Variants in ADARB2 observed in about 807,000 individuals in gnomAD.
ADARB2 encodes adenosine deaminase RNA specific B2 (inactive), also known as inactive double-stranded RNA-specific editase B2.
ADARB2 carries 25 observed loss-of-function variants against 62.2 expected under a neutral mutation model. The ratio of observed to expected loss-of-function variants is 0.40; its 90% CI spans 0.29 to 0.56. The LOEUF (loss-of-function observed/expected upper bound fraction) is 0.56, where lower values mean the gene tolerates loss of function less well. Among genes scored for constraint, ADARB2 ranks in the 20% least tolerant of loss-of-function variants. ADARB2 has a pLI of 0.43. For synonymous variants in ADARB2, 572 were observed against 500.8 expected, an observed-to-expected ratio of 1.14 and a Z score of -1.90; for missense variants, 1,071 against 1,077.4, an observed-to-expected ratio of 0.99 and a Z score of 0.08.
chr10:1,578,501 G>A (rs946565303), intron 1 of ADARB2, among the ~76,000 whole-genome samples: 1 of 152,194 alleles, frequency 6.6e-6, no homozygotes, highest in African/African-American at 2.4e-5. Context: ...GAGCTGTGCT[G>A]GTGCAAAGGC....
chr10:1,273,012 C>T (rs1831277701), intron 3 of ADARB2, among the ~76,000 whole-genome samples: 1 of 152,216 alleles, frequency 6.6e-6, no homozygotes, highest in South Asian at 2.1e-4. Context: ...CCTCTATCCC[C>T]ACGTGGCCTT....
rs1027704698 is a variant in ADARB2 at position 1,426,169 on chromosome 10, C to A, written c.101-47009G>T. Among the ~76,000 whole-genome samples, 2 of 152,046 alleles carry A rather than the reference C, an allele frequency of 1.3e-5. No homozygotes were observed. Among genetic ancestry groups the A allele is most frequent in the Admixed American group, 6.5e-5 (1 of 15,276 alleles). ...ATCAAGATCTGATGTGTAAAAGAGCCTGTGGTTTAAAATATGGAGGTATTT... is the reference window on the plus strand; with the variant it reads ...ATCAAGATCTGATGTGTAAAAGAGCATGTGGTTTAAAATATGGAGGTATTT... On this transcript the variant is annotated intron_variant, in intron 1 of 9. Transcript: ENST00000381312. The surrounding 1 kb of genome is among the most constrained non-coding windows in gnomAD (Gnocchi z 4.1).
chr10:1,501,214 G>A (rs146033874), intron 1 of ADARB2, among the ~76,000 whole-genome samples: 213 of 152,256 alleles, frequency 1.4e-3, no homozygotes, highest in African/African-American at 4.9e-3. Context: ...AGTGTGTTTG[G>A]GCAGCTTAAA....
chr10:1,324,834 T>C (rs1010078980), intron 3 of ADARB2, among the ~76,000 whole-genome samples: 5 of 152,088 alleles, frequency 3.3e-5, no homozygotes, highest in Non-Finnish European at 4.4e-5. Context: ...ACACCTGGGA[T>C]AAAATTACAT....
rs923610456 is a variant in ADARB2, at chr10:1,737,368, G to T, written c.-218C>A. ...ACTGGGCTGGGGGCCTCGGCTGGGC[G>T]CCTGGAGCGAGCTGCTCCCTGGTCA... On this transcript the variant is annotated 5_prime_UTR_variant, in exon 1 of 10. Transcript: ENST00000381312. 1.1e-5 allele frequency: 6 copies of T among 536,896 alleles called. No individual in the cohort carries two copies. Among genetic ancestry groups the T allele is most frequent in the Admixed American group, 6.4e-5 (2 of 31,460 alleles). The allele number at this position is 536,896 out of a possible 1,614,324, so 33.3% of individuals were successfully genotyped here. A position where few individuals can be genotyped will look rare whatever the true frequency, so the allele number is the denominator to read the frequency against.
intron 1 of ADARB2, among the ~76,000 whole-genome samples, chr10:1,569,250 G>A (rs1262759805): frequency 2.0e-5 from 3 of 151,960 alleles, no homozygotes; most frequent in Non-Finnish European, 4.4e-5. Context: ...GGTGGCGGGG[G>A]AGAGACAGAG....
At chr10:1,417,858 G>A (rs1354285085) in intron 1 of ADARB2, among the ~76,000 whole-genome samples, 1 of 152,266 alleles carries the variant, frequency 6.6e-6, no homozygotes, top group Admixed American at 6.5e-5. Flanking sequence ...TTGAGGCCAC[G>A]CGCTGTGGGC....
At chr10:1,598,002 A>G (rs555539332) in intron 1 of ADARB2, among the ~76,000 whole-genome samples, 1 of 152,366 alleles carries the variant, frequency 6.6e-6, no homozygotes, top group South Asian at 2.1e-4. Flanking sequence ...CCATTGTCCT[A>G]AGAAAAATAA....
intron 1 of ADARB2, among the ~76,000 whole-genome samples, chr10:1,487,692 G>T (rs78970994): frequency 0.025 from 3,849 of 152,270 alleles, 177 homozygotes; most frequent in African/African-American, 0.086. Context: ...TAGGGAAAAA[G>T]TTTAGGTATT....
At chr10:1,411,330 C>T (rs991559378) in intron 1 of ADARB2, among the ~76,000 whole-genome samples, 2 of 152,216 alleles carry the variant, frequency 1.3e-5, no homozygotes, top group African/African-American at 2.4e-5. Flanking sequence ...TTCAAGTGCA[C>T]CGGAGGCTCC....
At chr10:1,332,496 G>C (rs1037643865) in intron 3 of ADARB2, among the ~76,000 whole-genome samples, 2 of 68,148 alleles carry the variant, frequency 2.9e-5, no homozygotes, top group Non-Finnish European at 3.2e-5. Flanking sequence ...TTTTTTTTTT[G>C]CCATCGAACA....
chr10:1,727,856 T>C lies in ADARB2; in HGVS notation c.100+9195A>G, dbSNP rs76431783. 1.4e-3 allele frequency among the ~76,000 whole-genome samples: 211 copies of C among 152,320 alleles called. 5 individuals are homozygous for C. The East Asian group carries it at 0.031, about 23-fold the overall frequency. ...GCCTCACTCTTTGCCTGTCTCACGG[T>C]AGGCACTGGAGATAGATTTACACAT... On this transcript the variant is annotated intron_variant, in intron 1 of 9. Transcript: ENST00000381312.
At chr10:1,325,358 G>T (rs1016546642) in intron 3 of ADARB2, among the ~76,000 whole-genome samples, 1 of 152,186 alleles carries the variant, frequency 6.6e-6, no homozygotes, top group Non-Finnish European at 1.5e-5. Context: ...CACCCCAAGT[G>T]TATTCTATGC....
At chr10:1,232,315 G>T (rs1830811746) in intron 6 of ADARB2, among the ~76,000 whole-genome samples, 1 of 152,198 alleles carries the variant, frequency 6.6e-6, no homozygotes, top group African/African-American at 2.4e-5. Flanking sequence ...TGCACGTGGT[G>T]TATGTCGTAT....
chr10:1,492,912 A>G (rs939234680), intron 1 of ADARB2, among the ~76,000 whole-genome samples: 1 of 152,138 alleles, frequency 6.6e-6, no homozygotes, highest in Non-Finnish European at 1.5e-5. Flanking sequence ...CGCTGCTGAC[A>G]CGGAGCTCAG....
chr10:1,712,962 A>T (rs1000491862), intron 1 of ADARB2, among the ~76,000 whole-genome samples: 1 of 152,118 alleles, frequency 6.6e-6, no homozygotes, highest in South Asian at 2.1e-4. Context: ...ACTAACACGA[A>T]GCTCCTTAGT....
At chr10:1,378,953 G>C (rs1180084724) in intron 2 of ADARB2, 121 bp downstream of exon 2, 3 of 799,144 alleles carry the variant, frequency 3.8e-6, no homozygotes, top group African/African-American at 3.4e-5. Context: ...TGTCTCTCCA[G>C]GTAAGACCAA....
At chr10:1,494,820 A>G (rs1236411879) in intron 1 of ADARB2, among the ~76,000 whole-genome samples, 1 of 152,260 alleles carries the variant, frequency 6.6e-6, no homozygotes, top group East Asian at 1.9e-4. Flanking sequence ...ACCTCCCTCC[A>G]CAAATGTATA....
At chr10:1,682,974 C>T (rs112994132) in intron 1 of ADARB2, among the ~76,000 whole-genome samples, 5 of 152,104 alleles carry the variant, frequency 3.3e-5, no homozygotes, top group African/African-American at 1.2e-4. Flanking sequence ...AACACAGCAC[C>T]GCGGAGGTGG....
Sources: gnomAD v4.1 joint callset for allele counts (sites outside exome capture counted in the v4.1 genomes callset) on GRCh38, gnomAD v4.1.1 for gene constraint, Gnocchi (gnomAD v3.1) non-coding constraint, MANE v1.5 for transcripts, NCBI Gene and HGNC (gene_info 2026-07-23, HGNC 2026-07-21) for gene names.